The following ARAP3 variants were observed in gnomAD, a reference collection of about 807,000 sequenced individuals.
The protein encoded by ARAP3 is ArfGAP with RhoGAP domain, ankyrin repeat and PH domain 3, also known as arf-GAP with Rho-GAP domain, ANK repeat and PH domain-containing protein 3.
ARAP3 carries 82 observed loss-of-function variants against 169.2 expected under a neutral mutation model. The observed-to-expected ratio is 0.48, with a 90% CI of 0.41 to 0.58. The LOEUF (loss-of-function observed/expected upper bound fraction) is 0.58, where lower values mean the gene tolerates loss of function less well. Ranked by LOEUF, ARAP3 falls within the 20% of genes least tolerant of loss-of-function variation. ARAP3 has a pLI of 0.00. For synonymous variants in ARAP3, 791 were observed against 800.3 expected (o/e 0.99, Z 0.20); for missense variants, 1,764 against 2,018.0 (o/e 0.87, Z 2.41).
In ARAP3 at chr5:141,662,023, C is replaced by A; in HGVS notation, c.3013+20G>T. The A allele has an allele frequency of 6.2e-7, 1 of 1,613,920 alleles. No homozygotes were observed. Among genetic ancestry groups the A allele is most frequent in the African/African-American group, 1.3e-5 (1 of 75,044 alleles). On this transcript the variant is annotated intron_variant, in intron 20 of 32. Transcript: ENST00000239440. ...CAGAGATCCTGGTTGGGCCTTGGCT[C>A]TCAGGGATCTTAGGAATACCAGCAG...
intron 24 of ARAP3, 36 bp downstream of exon 24, chr5:141,658,543 T>A: frequency 6.2e-7 from 1 of 1,613,866 alleles, no homozygotes; most frequent in Non-Finnish European, 8.5e-7. Context: ...AACCTCACTA[T>A]CCTCTTATTT....
chr5:141,677,348 A>G (rs1356399289), intron 4 of ARAP3, among the ~76,000 whole-genome samples: 2 of 152,136 alleles, frequency 1.3e-5, no homozygotes, highest in Non-Finnish European at 2.9e-5. Flanking sequence ...GGTGTTTTAC[A>G]TTTATTGTGC....
intron 4 of ARAP3, among the ~76,000 whole-genome samples, chr5:141,677,156 T>C (rs1006678847): frequency 6.6e-6 from 1 of 152,218 alleles, no homozygotes; most frequent in African/African-American, 2.4e-5. Context: ...ATATATTTTA[T>C]TTAACCCAAT....
In ARAP3 at chr5:141,658,350, C is replaced by A. The variant is rs371519146; in HGVS notation, c.3526+15G>T. ...ATATACACATGCATGAACACACAGG[C>A]GTGGTCATACTCACCCAGCTCCCCA... is the stretch of plus-strand genomic sequence containing the variant. On this transcript the variant is annotated intron_variant, in intron 25 of 32. Transcript: ENST00000239440. 4.4e-5 allele frequency: 71 copies of A among 1,609,870 alleles called. No individual in the cohort carries two copies. The African/African-American group carries it at 8.7e-4, about 20-fold the overall frequency.
intron 21 of ARAP3, among the ~76,000 whole-genome samples, chr5:141,660,709 C>T (rs1215159558): frequency 6.6e-6 from 1 of 151,824 alleles, no homozygotes; most frequent in Non-Finnish European, 1.5e-5. Context: ...TCTCCAACTC[C>T]TGGGCTCAAA....
At chr5:141,667,066 C>T (rs771381708) in intron 16 of ARAP3, among the ~76,000 whole-genome samples, 4 of 152,004 alleles carry the variant, frequency 2.6e-5, no homozygotes, top group Non-Finnish European at 5.9e-5. Context: ...CATGCCATCA[C>T]ACCTGGCTAA....
chr5:141,680,443 G>A lies in ARAP3; in HGVS notation c.44C>T (p.Thr15Met), dbSNP rs1298395778. 21 of 1,609,392 alleles carry A rather than the reference G, an allele frequency of 1.3e-5. No homozygotes were observed. Among genetic ancestry groups the A allele is most frequent in the Middle Eastern group, 1.6e-4 (1 of 6,082 alleles). The stretch of plus-strand genomic sequence containing the variant: ...GTCTGCATACTGCTCCAGGTGCACC[G>A]TGGCCAGCCACACAGCGATGTCCAG... ...QDLDIAVWLA[T>M]VHLEQYADTF... The change falls in exon 2 of 33, where the codon ACG becomes ATG. Residue 15 changes from threonine to methionine, a missense_variant. By Grantham distance (81) the Thr-to-Met change is moderately conservative (BLOSUM62 -1). Around this residue, in one of 3 missense-constraint regions of ARAP3, gnomAD observed 630 missense variants for 678.7 expected, o/e 0.93. Transcript: ENST00000239440.
At chr5:141,679,445 G>A in intron 4 of ARAP3, 100 bp downstream of exon 4, 2 of 1,183,150 alleles carry the variant, frequency 1.7e-6, no homozygotes, top group African/African-American at 3.0e-5. Flanking sequence ...TGAGTGCCTG[G>A]CTGGTGAATA....
At chr5:141,677,568 C>G (rs1289394054) in intron 4 of ARAP3, among the ~76,000 whole-genome samples, 1 of 152,126 alleles carries the variant, frequency 6.6e-6, no homozygotes, top group Non-Finnish European at 1.5e-5. Context: ...TCTGAGGTCT[C>G]TCACCTACAT....
chr5:141,680,592 C>G (rs1055092393), intron 1 of ARAP3, 89 bp from the exon 2 acceptor site: 4 of 1,440,280 alleles, frequency 2.8e-6, no homozygotes, highest in Non-Finnish European at 3.6e-6. Flanking sequence ...TGAGCACCAG[C>G]CTCCAATCTT....
In ARAP3 at chr5:141,665,350, G is replaced by T; in HGVS notation, c.2597C>A (p.Pro866Gln). The change falls in exon 18 of 33, where the codon CCA becomes CAA. Residue 866 changes from proline to glutamine, a missense_variant. Transcript: ENST00000239440. The part of the protein sequence containing the change: ...EISVVSAADT[P>Q]DKKEHLVLVE... ...CAGGACCAAATGCTCTTTCTTATCT[G>T]GGGTGTCAGCTGCAGAAACCACACC... 1 of 1,614,200 alleles carries T rather than the reference G, an allele frequency of 6.2e-7. No individual in the cohort carries two copies. The highest frequency in any genetic ancestry group is 1.7e-5 in the Admixed American group (1 of 60,024).
intron 32 of ARAP3, among the ~76,000 whole-genome samples, chr5:141,654,673 G>C (rs2099908967): frequency 6.6e-6 from 1 of 151,896 alleles, no homozygotes; most frequent in Non-Finnish European, 1.5e-5. Context: ...ACCCAGGTCT[G>C]TCTAACTCCA....
At chr5:141,661,067 C>CTTTTTT (rs562593165) in intron 21 of ARAP3, among the ~76,000 whole-genome samples, 1 of 132,764 alleles carries the variant, frequency 7.5e-6, no homozygotes. Flanking sequence ...TTTCTTTTTT[C>CTTTTTT]TTTTTTTTTT....
chr5:141,667,823 C>T (rs2099910872), intron 16 of ARAP3, among the ~76,000 whole-genome samples: 1 of 151,172 alleles, frequency 6.6e-6, no homozygotes, highest in African/African-American at 2.4e-5. Flanking sequence ...AGGCAGATCA[C>T]CTGAGGTCAG....
rs757919947 is a variant in ARAP3, at chr5:141,666,457, C to T, written c.2539G>A (p.Asp847Asn). ...TGTAGCCGCCGCAGATGCACCATGT[C>T]CTCAGGGGCTGGGGGGCCTGGGCCC... ...APGPGPPAPE[D>N]MVHLRRLQEI... Residue 847 changes from aspartate (D) to asparagine (N), a missense_variant, in exon 17 of 33, where the codon GAC becomes AAC. Transcript: ENST00000239440. The T allele has an allele frequency of 3.1e-6, 5 of 1,595,166 alleles. No individual in the cohort carries two copies. In the East Asian group the frequency reaches 9.2e-5, roughly 29 times the overall value.
At chr5:141,676,874 C>T (rs2099912253) in intron 4 of ARAP3, among the ~76,000 whole-genome samples, 1 of 152,114 alleles carries the variant, frequency 6.6e-6, no homozygotes, top group African/African-American at 2.4e-5. Flanking sequence ...ACTCTAAGCT[C>T]GTCTACCCAG....
intron 27 of ARAP3, 68 bp from the exon 28 acceptor site, chr5:141,656,344 A>C (rs993922766): frequency 4.5e-5 from 72 of 1,604,900 alleles, no homozygotes; most frequent in Non-Finnish European, 5.8e-5. Flanking sequence ...TCAAGACGTC[A>C]TGGAAGCAAT....
intron 6 of ARAP3, 84 bp downstream of exon 6, chr5:141,673,317 T>G: frequency 1.3e-6 from 2 of 1,571,510 alleles, no homozygotes; most frequent in Non-Finnish European, 1.7e-6. Context: ...ACACACACAA[T>G]GGACTTCCCT....
intron 6 of ARAP3, 69 bp downstream of exon 6, chr5:141,673,332 C>T: frequency 6.2e-7 from 1 of 1,600,040 alleles, no homozygotes; most frequent in Non-Finnish European, 8.6e-7. Context: ...TTCCCTCCTT[C>T]CAATTCTGAG....
Sources: allele counts gnomAD v4.1 joint callset (sites outside exome capture counted in the v4.1 genomes callset), GRCh38; gene constraint gnomAD v4.1.1; regional missense constraint gnomAD v4.1.1; transcripts MANE v1.5; gene names NCBI Gene and HGNC (gene_info 2026-07-23, HGNC 2026-07-21).